Variants in CNIH3 observed in about 807,000 individuals in gnomAD.
The protein encoded by CNIH3 is protein cornichon homolog 3.
CNIH3 carries 14 observed loss-of-function variants against 24.1 expected under a neutral mutation model. The observed-to-expected ratio is 0.58, with a 90% CI of 0.38 to 0.91. The LOEUF (loss-of-function observed/expected upper bound fraction) is 0.91, where lower values mean the gene tolerates loss of function less well. Among genes scored for constraint, CNIH3 ranks in the 40% least tolerant of loss-of-function variants. CNIH3 has a pLI of 0.00. For synonymous variants in CNIH3, 68 were observed against 73.8 expected, an observed-to-expected ratio of 0.92 and a Z score of 0.40; for missense variants, 178 against 196.8, an observed-to-expected ratio of 0.90 and a Z score of 0.57.
At chr1:224,512,493 A>T (rs1468329765), upstream of CNIH3, among the ~76,000 whole-genome samples, 1 of 152,240 alleles carries the variant, frequency 6.6e-6, no homozygotes, top group Non-Finnish European at 1.5e-5. Flanking sequence ...AACAAAAAAG[A>T]AAAAATGGAG....
chr1:224,738,259 A>AGT (rs1689697193), intron 5 of CNIH3, among the ~76,000 whole-genome samples: 1 of 152,248 alleles, frequency 6.6e-6, no homozygotes, highest in Admixed American at 6.5e-5. Context: ...ATAACGAATG[A>AGT]AAGTGAGTAA....
At chr1:224,679,490 A>G (rs1224585981) in intron 1 of CNIH3, among the ~76,000 whole-genome samples, 1 of 152,220 alleles carries the variant, frequency 6.6e-6, no homozygotes, top group Admixed American at 6.5e-5. Context: ...AGGGAGTCAT[A>G]TATTATAGTT....
intron 2 of CNIH3, among the ~76,000 whole-genome samples, chr1:224,545,541 C>T (rs1447294618): frequency 6.6e-6 from 1 of 152,188 alleles, no homozygotes; most frequent in Non-Finnish European, 1.5e-5. Flanking sequence ...TGTCCCTCCT[C>T]TTTTCAGGTC....
chr1:224,694,495 ATC>A (rs1687074800), intron 3 of CNIH3, among the ~76,000 whole-genome samples: 2 of 152,194 alleles, frequency 1.3e-5, no homozygotes, highest in African/African-American at 4.8e-5. Context: ...AGTTAATTTT[ATC>A]TGTCACCTTG....
At chr1:224,608,617 T>C (rs1013492558) in intron 3 of CNIH3, among the ~76,000 whole-genome samples, 2 of 152,256 alleles carry the variant, frequency 1.3e-5, no homozygotes, top group Non-Finnish European at 2.9e-5. Context: ...CAGGGGTCGA[T>C]CTTTAACCAG....
intron 1 of CNIH3, among the ~76,000 whole-genome samples, chr1:224,675,127 TGGTGAGAAAAAAAGCA>T (rs1686076222): frequency 6.6e-6 from 1 of 152,092 alleles, no homozygotes; most frequent in Non-Finnish European, 1.5e-5. Flanking sequence ...CTCAAAAGTC[TGGTGAGAAAAAAAGCA>T]GGGGAGATGC....
intron 1 of CNIH3, among the ~76,000 whole-genome samples, chr1:224,463,471 C>T (rs1276281422): frequency 4.0e-5 from 6 of 151,190 alleles, no homozygotes; most frequent in Admixed American, 2.0e-4. Flanking sequence ...TGCAATCGCA[C>T]GGTCTCTGCT....
chr1:224,457,316 T>TCC (rs1204517215), intron 1 of CNIH3, among the ~76,000 whole-genome samples: 5 of 151,522 alleles, frequency 3.3e-5, no homozygotes, highest in South Asian at 2.1e-4. Flanking sequence ...TGTGTGTGTG[T>TCC]GTCCGTGTCC....
chr1:224,624,345 C>T (rs899736598), intron 1 of CNIH3, among the ~76,000 whole-genome samples: 1 of 152,096 alleles, frequency 6.6e-6, no homozygotes, highest in Non-Finnish European at 1.5e-5. Context: ...CTTTCTGTAC[C>T]TTCCTCTCCA....
intron 1 of CNIH3, among the ~76,000 whole-genome samples, chr1:224,453,954 A>G (rs1476086466): frequency 1.3e-5 from 2 of 152,122 alleles, no homozygotes; most frequent in East Asian, 3.8e-4. Context: ...TATTGTCCAA[A>G]AGATTGCGCA....
intron 1 of CNIH3, among the ~76,000 whole-genome samples, chr1:224,618,322 C>T (rs541478593): frequency 6.6e-6 from 1 of 152,350 alleles, no homozygotes; most frequent in South Asian, 2.1e-4. Flanking sequence ...CCTTTAACAG[C>T]CTTGCCCTGC....
chr1:224,452,821 A>C (rs962468469), intron 1 of CNIH3, among the ~76,000 whole-genome samples: 4 of 144,946 alleles, frequency 2.8e-5, no homozygotes, highest in Non-Finnish European at 6.0e-5. Flanking sequence ...GGGCCAAAAG[A>C]AGATAGCTTA....
At chr1:224,709,040 C>G (rs1687983417) in intron 3 of CNIH3, among the ~76,000 whole-genome samples, 1 of 152,186 alleles carries the variant, frequency 6.6e-6, no homozygotes, top group African/African-American at 2.4e-5. Flanking sequence ...GAGTGGGTAG[C>G]TGATTAACCC....
chr1:224,483,056 A>G (rs1676875846), intron 1 of CNIH3, among the ~76,000 whole-genome samples: 1 of 152,088 alleles, frequency 6.6e-6, no homozygotes, highest in African/African-American at 2.4e-5. Flanking sequence ...TCCCTTCCTT[A>G]AGCACACAGA....
chr1:224,574,596 G>A (rs1680955417), intron 4 of CNIH3: 10 of 805,594 alleles, frequency 1.2e-5, no homozygotes, highest in South Asian at 8.1e-5. Context: ...TGAGAATGAC[G>A]TGGGGGTGGC....
In CNIH3 at chr1:224,616,465, G is replaced by A. The variant is rs1268074761; in HGVS notation, c.-710G>A. On this transcript the variant is annotated 5_prime_UTR_variant, in exon 1 of 6. Transcript: ENST00000272133. ...CAGTGCTCGCCCCGGTCCGACCCCC[G>A]GTTTCCGGGACACTTGGGTTGCGGA... 1 of 988,252 alleles carries A rather than the reference G, an allele frequency of 1.0e-6. No individual in the cohort carries two copies. The highest frequency in any genetic ancestry group is 4.5e-5 in the South Asian group (1 of 22,468). The allele number at this position is 988,252 out of a possible 1,614,324, so 61.2% of individuals were successfully genotyped here.
intron 1 of CNIH3, among the ~76,000 whole-genome samples, chr1:224,673,253 T>A (rs1472599687): frequency 6.6e-6 from 1 of 152,122 alleles, no homozygotes; most frequent in Non-Finnish European, 1.5e-5. Context: ...GCAAGTCACA[T>A]AAGGGCCGCA....
At chr1:224,610,452 T>C (rs1203261315) in intron 3 of CNIH3, among the ~76,000 whole-genome samples, 1 of 152,202 alleles carries the variant, frequency 6.6e-6, no homozygotes, top group African/African-American at 2.4e-5. Context: ...GTTTGGCAAT[T>C]CCCTTTCACT....
chr1:224,702,414 AT>A (rs1052857750), intron 3 of CNIH3, among the ~76,000 whole-genome samples: 1 of 152,194 alleles, frequency 6.6e-6, no homozygotes, highest in Non-Finnish European at 1.5e-5. Flanking sequence ...AAATTGTCAG[AT>A]TACTTTCTCA....
Sources: allele counts gnomAD v4.1 joint callset (sites outside exome capture counted in the v4.1 genomes callset), GRCh38; gene constraint gnomAD v4.1.1; transcripts MANE v1.5; gene names NCBI Gene and HGNC (gene_info 2026-07-23, HGNC 2026-07-21).